EXT1: variants seen among roughly 807,000 people sequenced by gnomAD.
The protein encoded by EXT1 is exostosin-1.
In EXT1, 20 loss-of-function variants were observed where a neutral mutation model predicts 82.5. That is an observed-to-expected ratio of 0.24 (90% CI 0.17 to 0.35). EXT1 has a LOEUF of 0.35. Ranked by LOEUF, EXT1 falls within the 10% of genes least tolerant of loss-of-function variation. The pLI is 1.00. For missense variants in EXT1, 757 were observed against 936.5 expected (o/e 0.81, Z 2.50); for synonymous variants, 348 against 350.8 (o/e 0.99, Z 0.09).
In EXT1 at chr8:117,799,567, CTT is replaced by C. The variant is rs71739430; in HGVS notation, c.*143_*144del. 1.4e-3 allele frequency: 1,081 copies of C among 783,112 alleles called. No homozygotes were observed. The highest frequency in any genetic ancestry group is 1.6e-3 in the Non-Finnish European group (812 of 503,984). 48.5% of individuals were successfully genotyped at this position (783,112 alleles called of 1,614,324 possible). Reference sequence around the variant, plus strand: ...AGCCAGGAGTTGAGTTCTCATTGGCCTTTTTTTTTTTGTCATTCTGCTCATCT... The same window carrying C: ...AGCCAGGAGTTGAGTTCTCATTGGCCTTTTTTTTTGTCATTCTGCTCATCT... On this transcript the variant is annotated 3_prime_UTR_variant, in exon 11 of 11. Transcript: ENST00000378204.
At chr8:118,100,647 G>A (rs1214624537) in intron 1 of EXT1, among the ~76,000 whole-genome samples, 2 of 152,120 alleles carry the variant, frequency 1.3e-5, no homozygotes, top group East Asian at 3.9e-4. Context: ...TCAGGAGGCT[G>A]AGGCAGCAGA....
In EXT1 at chr8:118,029,348, C is replaced by T. The variant is rs143023528; in HGVS notation, c.962+80737G>A. Among the ~76,000 whole-genome samples the T allele has an allele frequency of 3.5e-3, 539 of 152,170 alleles. 3 individuals are homozygous for T. Among genetic ancestry groups the T allele is most frequent in the African/African-American group, 0.013 (522 of 41,522 alleles). The stretch of plus-strand genomic sequence containing the variant: ...GGCTGAGGTGGGAGAATCACTTGAG[C>T]CCAGGAGTTCAAGGCTGCAATGAGG... On this transcript the variant is annotated intron_variant, in intron 1 of 10. Coordinates refer to ENST00000378204, the MANE Select transcript of EXT1 (RefSeq NM_000127.3).
At chr8:118,028,691 A>G (rs1437843800) in intron 1 of EXT1, among the ~76,000 whole-genome samples, 1 of 152,144 alleles carries the variant, frequency 6.6e-6, no homozygotes, top group South Asian at 2.1e-4. Context: ...GCACTTTGGG[A>G]GGCTGAGGCG....
intron 1 of EXT1, among the ~76,000 whole-genome samples, chr8:117,934,783 C>T (rs940758933): frequency 3.9e-5 from 6 of 152,136 alleles, no homozygotes; most frequent in Admixed American, 2.0e-4. Flanking sequence ...GCAATGTGCA[C>T]GCTTCTTTTA....
At chr8:118,015,450 T>C (rs1273643252) in intron 1 of EXT1, among the ~76,000 whole-genome samples, 1 of 152,180 alleles carries the variant, frequency 6.6e-6, no homozygotes, top group African/African-American at 2.4e-5. Flanking sequence ...ATCTAAAGTT[T>C]CTAATAATTT....
rs1054803741 is a variant in EXT1 at position 117,837,039 on chromosome 8, T to A, written c.1056+69A>T. The A allele has an allele frequency of 3.8e-6, 4 of 1,041,440 alleles. No individual in the cohort carries two copies. In the African/African-American group the frequency reaches 4.7e-5, roughly 12 times the overall value. The allele number at this position is 1,041,440 out of a possible 1,614,324, so 64.5% of individuals were successfully genotyped here. On this transcript the variant is annotated intron_variant, in intron 2 of 10. Transcript: ENST00000378204. ...TCTTTAGCTATCCCAGGAGAGGTGA[T>A]AATGTTAAACCCACTTAATCTGGCT...
At chr8:117,973,861 GA>G (rs771269968) in intron 1 of EXT1, among the ~76,000 whole-genome samples, 3 of 135,652 alleles carry the variant, frequency 2.2e-5, no homozygotes, top group East Asian at 2.2e-4. Context: ...GAAAGGAAAG[GA>G]AAGGAAAGGA....
Position 117,878,907 on chromosome 8 carries a change from T to C in EXT1, c.963-41706A>G, listed in dbSNP as rs113878766. On this transcript the variant is annotated intron_variant, in intron 1 of 10. Transcript: ENST00000378204. ...TCCATTGAGGGTTGGCTGTGGGCTA[T>C]GCTCCACTTCTTCATGGTGAGACCC... 1.8e-4 allele frequency among the ~76,000 whole-genome samples: 27 copies of C among 152,374 alleles called. No homozygotes were observed. The South Asian group carries it at 2.3e-3, about 13-fold the overall frequency.
chr8:117,922,293 T>TAAAC (rs750664603), intron 1 of EXT1, among the ~76,000 whole-genome samples: 55 of 152,118 alleles, frequency 3.6e-4, no homozygotes, highest in East Asian at 2.7e-3. Context: ...GAGGTCTAAG[T>TAAAC]AAACAAACAA....
At position 117,932,170 on chromosome 8, in the gene EXT1, G is replaced by A. The variant is rs1013632727; in HGVS notation, c.963-94969C>T. On this transcript the variant is annotated intron_variant, in intron 1 of 10. Coordinates refer to ENST00000378204, the MANE Select transcript of EXT1 (RefSeq NM_000127.3). ...AGTTATATATTTGAGGTTTTTGGGG[G>A]GGTGCTTTAACTTCTAAATGTTAGA... is the stretch of plus-strand genomic sequence containing the variant. 1.4e-4 allele frequency among the ~76,000 whole-genome samples: 22 copies of A among 152,218 alleles called. No individual in the cohort carries two copies. The Middle Eastern group carries it at 0.01, about 71-fold the overall frequency.
At chr8:117,888,471 A>G (rs1298737874) in intron 1 of EXT1, among the ~76,000 whole-genome samples, 1 of 152,178 alleles carries the variant, frequency 6.6e-6, no homozygotes, top group African/African-American at 2.4e-5. Context: ...CAAAACCCCA[A>G]AGGCCATTGC....
intron 1 of EXT1, 67 bp from the exon 2 acceptor site, chr8:117,837,268 G>A (rs1231218942): frequency 7.5e-7 from 1 of 1,325,854 alleles, no homozygotes; most frequent in Non-Finnish European, 1.1e-6. Flanking sequence ...TTGACCATAG[G>A]TGGGCGCCCA....
At chr8:117,948,585 A>G (rs896108559) in intron 1 of EXT1, among the ~76,000 whole-genome samples, 3 of 152,214 alleles carry the variant, frequency 2.0e-5, no homozygotes, top group African/African-American at 7.2e-5. Context: ...AGTTCTCTGT[A>G]AAGTTGAAAT....
intron 1 of EXT1, among the ~76,000 whole-genome samples, chr8:117,923,540 A>AC (rs1290795827): frequency 6.7e-6 from 1 of 149,956 alleles, no homozygotes; most frequent in Non-Finnish European, 1.5e-5. Context: ...ACACGGTGAA[A>AC]CCCCATCTCT....
In EXT1 at chr8:117,807,321, G is replaced by C; in HGVS notation, c.1779C>G (p.Pro593=). 6.2e-7 allele frequency: 1 copy of C among 1,614,164 alleles called. No homozygotes were observed. Among genetic ancestry groups the C allele is most frequent in the Non-Finnish European group, 8.5e-7 (1 of 1,180,034 alleles). ...AGTTATCCCAGAAGTGGCTGCGCGCGGGGTACCCCACAATCCTCTCAGGGA... is the reference window on the plus strand; with the variant it reads ...AGTTATCCCAGAAGTGGCTGCGCGCCGGGTACCCCACAATCCTCTCAGGGA... ...QSFPERIVGY[P]ARSHFWDNSK... is the part of the protein sequence containing the mutation. The change falls in exon 9 of 11, where the codon CCC becomes CCG. Residue 593 remains proline (P), a synonymous_variant. Transcript: ENST00000378204.
intron 1 of EXT1, among the ~76,000 whole-genome samples, chr8:117,935,226 T>A (rs902829757): frequency 6.6e-6 from 1 of 152,044 alleles, no homozygotes; most frequent in Non-Finnish European, 1.5e-5. Flanking sequence ...AATAGTGTCA[T>A]GTCCATGGTT....
At chr8:118,062,083 A>G (rs929976718) in intron 1 of EXT1, among the ~76,000 whole-genome samples, 2 of 152,088 alleles carry the variant, frequency 1.3e-5, no homozygotes, top group East Asian at 1.9e-4. Context: ...ACCAACTGTC[A>G]GGTGACATTC....
chr8:117,974,323 C>A (rs1242240138), intron 1 of EXT1, among the ~76,000 whole-genome samples: 1 of 152,092 alleles, frequency 6.6e-6, no homozygotes, highest in Non-Finnish European at 1.5e-5. Flanking sequence ...CCAGGTTTCC[C>A]GACTCTCTGG....
intron 1 of EXT1, among the ~76,000 whole-genome samples, chr8:118,074,864 C>T (rs1817176730): frequency 1.3e-5 from 2 of 152,192 alleles, no homozygotes; most frequent in South Asian, 4.1e-4. Context: ...AGGGTCACAG[C>T]TTGCTCTGGG....
Sources: allele counts gnomAD v4.1 joint callset (sites outside exome capture counted in the v4.1 genomes callset), GRCh38; gene constraint gnomAD v4.1.1; transcripts MANE v1.5; gene names NCBI Gene and HGNC (gene_info 2026-07-23, HGNC 2026-07-21).